Variants in GTF3C2 observed in about 807,000 individuals in gnomAD.
The protein encoded by GTF3C2 is general transcription factor IIIC subunit 2, also known as general transcription factor 3C polypeptide 2.
Under a neutral mutation model 117.4 loss-of-function variants are expected in GTF3C2, and 17 were observed. That is an observed-to-expected ratio of 0.14 (90% confidence interval 0.10 to 0.22). The LOEUF is 0.22. Among genes scored for constraint, GTF3C2 ranks in the 10% least tolerant of loss-of-function variants. GTF3C2 has a pLI of 1.00. For missense variants in GTF3C2, 888 were observed against 1,143.6 expected (o/e 0.78, Z 3.22); for synonymous variants, 437 against 427.0 (o/e 1.02, Z -0.29).
At chr2:27,328,314 T>A (rs570950242) in intron 16 of GTF3C2, 125 bp from the exon 17 acceptor site, 1 of 1,008,468 alleles carries the variant, frequency 9.9e-7, no homozygotes, top group Non-Finnish European at 1.5e-6. Context: ...TATGCTCAGA[T>A]GCAGTACGGT....
intron 11 of GTF3C2, 68 bp downstream of exon 11, chr2:27,333,906 T>C: frequency 1.4e-6 from 2 of 1,453,166 alleles, no homozygotes; most frequent in South Asian, 2.3e-5. Context: ...GGAGACTCAC[T>C]GTGGAATCAG....
intron 1 of GTF3C2, among the ~76,000 whole-genome samples, chr2:27,345,906 G>A (rs868734798): frequency 4.0e-5 from 6 of 151,410 alleles, no homozygotes; most frequent in Admixed American, 2.0e-4. Context: ...GTAGAGATGG[G>A]GTTTCACCAT....
chr2:27,349,297 G>A (rs375434601), intron 1 of GTF3C2, among the ~76,000 whole-genome samples: 194 of 151,620 alleles, frequency 1.3e-3, no homozygotes, highest in African/African-American at 4.3e-3. Flanking sequence ...ACAGGCGCCC[G>A]CCATCATGCC....
intron 1 of GTF3C2, among the ~76,000 whole-genome samples, chr2:27,353,840 A>T (rs1264728730): frequency 6.6e-6 from 1 of 152,036 alleles, no homozygotes; most frequent in Non-Finnish European, 1.5e-5. Flanking sequence ...TCCCCATCTC[A>T]GCCTCTCAGG....
In GTF3C2 at chr2:27,338,452, GCA is replaced by G. The variant is rs1558617632; in HGVS notation, c.856-434_856-433del. Among the ~76,000 whole-genome samples the G allele has an allele frequency of 4.5e-3, 255 of 57,118 alleles. 2 individuals are homozygous for G. Among genetic ancestry groups the G allele is most frequent in the African/African-American group, 0.017 (239 of 14,286 alleles). The allele number at this position is 57,118 out of a possible 152,430, so 37.5% of individuals were successfully genotyped here. On this transcript the variant is annotated intron_variant, in intron 4 of 18. Transcript: ENST00000264720. ...CGCCCCTCTACACAGGCGCGCACGC[GCA>G]CGCGCGCACACACACACACACACAC... is the stretch of plus-strand genomic sequence containing the variant.
At position 27,343,305 on chromosome 2, in the gene GTF3C2, T is replaced by C. The variant is rs370711519; in HGVS notation, c.247+3A>G. 42 of 1,613,546 alleles carry C rather than the reference T, an allele frequency of 2.6e-5. No individual in the cohort carries two copies. In the African/African-American group the frequency reaches 4.7e-4, roughly 18 times the overall value. On this transcript the variant is annotated splice_donor_region_variant and intron_variant, in intron 2 of 18. Transcript: ENST00000264720. Reference sequence around the variant, plus strand: ...TAAAAAGATAAGAGGACAAGGTACATACCTGGCTGTTCCAGTCTGGAGAGG... The same window carrying C: ...TAAAAAGATAAGAGGACAAGGTACACACCTGGCTGTTCCAGTCTGGAGAGG...
intron 18 of GTF3C2, 137 bp from the exon 19 acceptor site, chr2:27,327,030 G>A (rs986382125): frequency 1.7e-5 from 12 of 689,632 alleles, no homozygotes; most frequent in Non-Finnish European, 2.7e-5. Flanking sequence ...AGGTAAGAAT[G>A]AAAAGCCAGT....
intron 1 of GTF3C2, 57 bp downstream of exon 1, chr2:27,356,682 G>A (rs1033288867): frequency 6.5e-6 from 1 of 153,200 alleles, no homozygotes; most frequent in Non-Finnish European, 1.5e-5. Context: ...TATGGCAAAA[G>A]AAGGGGGAGG....
chr2:27,350,948 C>CA (rs1179397836), intron 1 of GTF3C2, among the ~76,000 whole-genome samples: 13,152 of 97,152 alleles, frequency 0.14, 1,091 homozygotes, highest in African/African-American at 0.29. Flanking sequence ...GACTCCATCT[C>CA]AAAAAAAAAA....
chr2:27,335,581 C>T lies in GTF3C2; in HGVS notation c.1576+17G>A, dbSNP rs1023505629. 6.5e-6 allele frequency: 9 copies of T among 1,392,050 alleles called. No homozygotes were observed. In the African/African-American group the frequency reaches 1.3e-4, roughly 20 times the overall value. The allele number at this position is 1,392,050 out of a possible 1,614,324, so 86.2% of individuals were successfully genotyped here. On this transcript the variant is annotated intron_variant, in intron 10 of 18. Coordinates refer to ENST00000264720, the Ensembl canonical transcript of GTF3C2. ...CCACCACTACAGCAGCCCCATTCTC[C>T]TTGCTGTGCTACTCACCTGGGGGTT...
At chr2:27,352,826 C>T (rs1681181425) in intron 1 of GTF3C2, among the ~76,000 whole-genome samples, 1 of 152,182 alleles carries the variant, frequency 6.6e-6, no homozygotes, top group African/African-American at 2.4e-5. Flanking sequence ...CATTTCTCAG[C>T]CTCATTCAAG....
At chr2:27,341,846 A>C (rs1373163802) in intron 4 of GTF3C2, 102 bp downstream of exon 4, 3 of 1,012,008 alleles carry the variant, frequency 3.0e-6, no homozygotes, top group African/African-American at 3.2e-5. Context: ...TGTTTTGTCT[A>C]TTATAGTTAC....
At chr2:27,333,612 T>G (rs1274937207) in intron 12 of GTF3C2, 43 bp downstream of exon 12, 1 of 1,424,772 alleles carries the variant, frequency 7.0e-7, no homozygotes, top group Non-Finnish European at 9.8e-7. Context: ...TATAAAAAAT[T>G]TAAAGAGCAA....
At chr2:27,334,145 C>A in intron 10 of GTF3C2, 146 bp from the exon 11 acceptor site, 1 of 689,500 alleles carries the variant, frequency 1.5e-6, no homozygotes, top group Non-Finnish European at 2.7e-6. Flanking sequence ...CCTGCCTCAG[C>A]CTCCCAAAAT....
At chr2:27,349,436 T>C (rs745749636) in intron 1 of GTF3C2, among the ~76,000 whole-genome samples, 1 of 152,102 alleles carries the variant, frequency 6.6e-6, no homozygotes, top group Non-Finnish European at 1.5e-5. Context: ...CGTGAGCCAC[T>C]GCGCCCAGCC....
At chr2:27,340,961 TC>T (rs1446872647) in intron 4 of GTF3C2, 1 of 151,984 alleles carries the variant, frequency 6.6e-6, no homozygotes, top group Non-Finnish European at 1.5e-5. Context: ...TGACCTATTT[TC>T]CCAACTGATG....
intron 12 of GTF3C2, among the ~76,000 whole-genome samples, chr2:27,330,365 G>A (rs553523901): frequency 1.3e-5 from 2 of 151,564 alleles, no homozygotes; most frequent in South Asian, 4.2e-4. Context: ...GGGAGGGTGA[G>A]ACATGAGAAT....
chr2:27,329,207 GT>G lies in GTF3C2; in HGVS notation c.1952del (p.Asn651ThrfsTer7). On this transcript the variant is annotated frameshift_variant, in exon 14 of 19. Coordinates refer to ENST00000264720, the Ensembl canonical transcript of GTF3C2. LOFTEE classifies it high-confidence loss of function. This position sits in a 1 kb window ranked among gnomAD's most constrained non-coding sequence, Gnocchi z 4.5. Reference sequence around the variant, plus strand: ...CTGTACTCAAGAAGCGCTTGATAGAGTTTATGGGTTCGTAAGGACGTCGAAG... The same window carrying G: ...CTGTACTCAAGAAGCGCTTGATAGAGTTATGGGTTCGTAAGGACGTCGAAG... 2 of 1,614,166 alleles carry G rather than the reference GT, an allele frequency of 1.2e-6. No homozygotes were observed. Among genetic ancestry groups the G allele is most frequent in the Non-Finnish European group, 1.7e-6 (2 of 1,179,994 alleles).
At position 27,334,646 on chromosome 2, in the gene GTF3C2, T is replaced by A. The variant is rs1366227678; in HGVS notation, c.1577-647A>T. 3.8e-5 allele frequency among the ~76,000 whole-genome samples: 5 copies of A among 130,948 alleles called. No individual in the cohort carries two copies. In the South Asian group the frequency reaches 6.7e-4, roughly 18 times the overall value. 85.9% of individuals were successfully genotyped at this position (130,948 alleles called of 152,430 possible). A position where few individuals can be genotyped will look rare whatever the true frequency, so the allele number is the denominator to read the frequency against. ...TTACTGGTTCCCCTTCACAGCGAAA[T>A]TTTTTTTTTTTTTTCAGACAGCATC... On this transcript the variant is annotated intron_variant, in intron 10 of 18. Transcript: ENST00000264720.
Sources: gnomAD v4.1 joint callset for allele counts (sites outside exome capture counted in the v4.1 genomes callset) on GRCh38, gnomAD v4.1.1 for gene constraint, Gnocchi (gnomAD v3.1) non-coding constraint, MANE v1.5 for transcripts, NCBI Gene and HGNC (gene_info 2026-07-23, HGNC 2026-07-21) for gene names.